Variants in FSTL5 observed in about 807,000 individuals in gnomAD.
FSTL5 encodes follistatin-related protein 5.
A neutral mutation model predicts 89.1 loss-of-function variants in FSTL5; 62 were observed. That is an observed-to-expected ratio of 0.70 (90% CI 0.57 to 0.86). FSTL5 has a LOEUF of 0.86. Ranked by LOEUF, FSTL5 falls within the 40% of genes least tolerant of loss-of-function variation. The pLI, the probability that FSTL5 is intolerant of heterozygous loss-of-function variation, is 0.00. For missense variants in FSTL5, 1,057 were observed against 1,001.6 expected (o/e 1.06, Z -0.75); for synonymous variants, 383 against 346.2 (o/e 1.11, Z -1.18).
intron 2 of FSTL5, among the ~76,000 whole-genome samples, chr4:162,059,315 T>C (rs998828055): frequency 2.6e-5 from 4 of 152,218 alleles, no homozygotes; most frequent in African/African-American, 9.6e-5. Context: ...AACTGAAATA[T>C]TAGCCATAGG....
chr4:161,903,888 A>G (rs1733443951), intron 4 of FSTL5, among the ~76,000 whole-genome samples: 1 of 152,162 alleles, frequency 6.6e-6, no homozygotes, highest in South Asian at 2.1e-4. Context: ...TAATTTTTCA[A>G]GTCTTCAGTC....
chr4:161,744,421 G>T (rs548931587), intron 6 of FSTL5, among the ~76,000 whole-genome samples: 1 of 152,034 alleles, frequency 6.6e-6, no homozygotes, highest in African/African-American at 2.4e-5. Flanking sequence ...CTATAAGATG[G>T]CTTAGCACCA....
At chr4:161,982,781 T>C (rs1193223279) in intron 3 of FSTL5, among the ~76,000 whole-genome samples, 1 of 152,214 alleles carries the variant, frequency 6.6e-6, no homozygotes, top group Non-Finnish European at 1.5e-5. Context: ...GTGTTTTGAC[T>C]CATTGATTTA....
At chr4:161,684,867 G>A (rs1737660462) in intron 6 of FSTL5, among the ~76,000 whole-genome samples, 1 of 152,024 alleles carries the variant, frequency 6.6e-6, no homozygotes, top group African/African-American at 2.4e-5. Flanking sequence ...ATGTTATCTT[G>A]TAGAATTTTT....
intron 8 of FSTL5, among the ~76,000 whole-genome samples, chr4:161,579,748 AGAAAAAG>A (rs1733364946): frequency 1.0e-4 from 4 of 38,340 alleles, no homozygotes; most frequent in Admixed American, 3.1e-4. Flanking sequence ...AAAAAAAGAA[AGAAAAAG>A]AAAAAAAGAA....
At chr4:161,563,559 T>C (rs1403044283) in intron 8 of FSTL5, among the ~76,000 whole-genome samples, 1 of 151,932 alleles carries the variant, frequency 6.6e-6, no homozygotes, top group Non-Finnish European at 1.5e-5. Flanking sequence ...CTGTGCTTCT[T>C]TATTATTATT....
At chr4:161,885,908 T>C (rs563308331) in intron 4 of FSTL5, among the ~76,000 whole-genome samples, 1 of 152,214 alleles carries the variant, frequency 6.6e-6, no homozygotes, top group South Asian at 2.1e-4. Context: ...GTTAGAGGAA[T>C]GACATGAAGA....
chr4:161,871,769 C>G (rs1732269590), intron 4 of FSTL5, among the ~76,000 whole-genome samples: 1 of 152,024 alleles, frequency 6.6e-6, no homozygotes, highest in African/African-American at 2.4e-5. Context: ...GAGTAAGCAA[C>G]AGATTTGAAT....
chr4:161,735,965 G>C (rs953246467), intron 6 of FSTL5, among the ~76,000 whole-genome samples: 1 of 152,052 alleles, frequency 6.6e-6, no homozygotes, highest in Non-Finnish European at 1.5e-5. Flanking sequence ...AGAGAAAAAA[G>C]AGAAGAAAAT....
At chr4:161,416,757 A>G (rs1475939213) in intron 15 of FSTL5, among the ~76,000 whole-genome samples, 5 of 151,474 alleles carry the variant, frequency 3.3e-5, no homozygotes, top group African/African-American at 1.2e-4. Flanking sequence ...AGGGAGGAGA[A>G]TGGCATGAAC....
At chr4:162,125,471 C>A (rs73861099) in intron 1 of FSTL5, among the ~76,000 whole-genome samples, 1,942 of 151,968 alleles carry the variant, frequency 0.013, 48 homozygotes, top group African/African-American at 0.044. Flanking sequence ...ATTTATAATT[C>A]TCTTTTGGTT....
Position 161,835,475 on chromosome 4 carries a change from C to T in FSTL5, c.410-59401G>A, listed in dbSNP as rs1268377394. On this transcript the variant is annotated intron_variant, in intron 4 of 15. Coordinates refer to ENST00000306100, the MANE Select transcript of FSTL5 (RefSeq NM_020116.5). ...AATGGGATCTAATTAAACTAAAGAG[C>T]TTCTGCACAGCAAAAGAAACTACCA... Among the ~76,000 whole-genome samples the T allele has an allele frequency of 1.5e-4, 23 of 152,104 alleles. No homozygotes were observed. The Middle Eastern group carries it at 0.01, about 68-fold the overall frequency.
chr4:161,486,143 C>CAAAAAAAAAAAAAAAAAAAAAAAAA (rs1278214856), intron 12 of FSTL5, among the ~76,000 whole-genome samples: 1 of 76,164 alleles, frequency 1.3e-5, no homozygotes. Flanking sequence ...GACTCCGTCT[C>CAAAAAAAAAAAAAAAAAAAAAAAAA]AAAAAAAAAA....
At chr4:161,635,451 A>C (rs2126660653) in intron 7 of FSTL5, among the ~76,000 whole-genome samples, 1 of 151,640 alleles carries the variant, frequency 6.6e-6, no homozygotes, top group South Asian at 2.1e-4. Context: ...ACTGAAAATT[A>C]GCTTCGTTTT....
chr4:161,815,519 C>G (rs1327086476), intron 4 of FSTL5, among the ~76,000 whole-genome samples: 1 of 152,030 alleles, frequency 6.6e-6, no homozygotes, highest in African/African-American at 2.4e-5. Context: ...ATACAGACAG[C>G]CTTAATTTTC....
chr4:161,459,394 A>G, intron 13 of FSTL5, 75 bp from the exon 14 acceptor site: 1 of 819,510 alleles, frequency 1.2e-6, no homozygotes, highest in East Asian at 2.5e-5. Flanking sequence ...AATTATGAAG[A>G]TTCTAATTTA....
At position 161,668,454 on chromosome 4, in the gene FSTL5, T is replaced by A. The variant is rs77344778; in HGVS notation, c.728-11960A>T. Among the ~76,000 whole-genome samples the A allele has an allele frequency of 7.3e-3, 1,107 of 152,324 alleles. 11 individuals are homozygous for A. The highest frequency in any genetic ancestry group is 0.025 in the African/African-American group (1,041 of 41,580). ...TACCAAACATTTAAGGGAGAAATTG[T>A]ATCAATCCCCTACAATCTCTTTCAC... On this transcript the variant is annotated intron_variant, in intron 6 of 15. Coordinates refer to ENST00000306100, the MANE Select transcript of FSTL5 (RefSeq NM_020116.5).
rs1578999931 is a variant in FSTL5 at position 162,066,358 on chromosome 4, TCTTCTTCTTCTTCTC to T, written c.127-32715_127-32701del. Among the ~76,000 whole-genome samples the T allele has an allele frequency of 9.5e-5, 13 of 136,218 alleles. No homozygotes were observed. In the East Asian group the frequency reaches 2.0e-3, roughly 21 times the overall value. 89.4% of individuals were successfully genotyped at this position (136,218 alleles called of 152,430 possible). A position where few individuals can be genotyped will look rare whatever the true frequency, so the allele number is the denominator to read the frequency against. ...TTCTTCTTCTTCTTCTTCTTCTCCT[TCTTCTTCTTCTTCTC>T]CTTCTTCTTCTTCTTCATTTTCCTT... On this transcript the variant is annotated intron_variant, in intron 2 of 15. Transcript: ENST00000306100.
chr4:161,992,724 A>G (rs1736147713), intron 3 of FSTL5, among the ~76,000 whole-genome samples: 2 of 150,378 alleles, frequency 1.3e-5, no homozygotes, highest in Non-Finnish European at 3.0e-5. Flanking sequence ...CGCGCCTGCA[A>G]TCCCAGCTAT....
Sources: gnomAD v4.1 joint callset for allele counts (sites outside exome capture counted in the v4.1 genomes callset) on GRCh38, gnomAD v4.1.1 for gene constraint, MANE v1.5 for transcripts, NCBI Gene and HGNC (gene_info 2026-07-23, HGNC 2026-07-21) for gene names.